Variants in SLC35F1 observed in about 807,000 individuals in gnomAD.
SLC35F1 encodes chromosome 6 open reading frame 169.
SLC35F1 carries 14 observed loss-of-function variants against 48.7 expected under a neutral mutation model. The observed-to-expected ratio is 0.29, with a 90% CI of 0.19 to 0.45. The LOEUF is 0.45. SLC35F1 is among the 20% of genes least tolerant of loss of function. The pLI is 1.00. For missense variants in SLC35F1, 404 were observed against 500.0 expected (o/e 0.81, Z 1.83); for synonymous variants, 190 against 202.2 (o/e 0.94, Z 0.51).
chr6:118,063,933 G>A (rs1366706159), intron 1 of SLC35F1, among the ~76,000 whole-genome samples: 1 of 152,140 alleles, frequency 6.6e-6, no homozygotes, highest in Non-Finnish European at 1.5e-5. Context: ...TATAAAGAAG[G>A]TGCCTGCCTA....
intron 1 of SLC35F1, among the ~76,000 whole-genome samples, chr6:118,118,160 G>A (rs1204542475): frequency 6.6e-6 from 1 of 152,076 alleles, no homozygotes; most frequent in Non-Finnish European, 1.5e-5. Context: ...TTTCCTAAGT[G>A]TCAATACCAT....
At chr6:118,212,770 GGAAGGAAGGAAGGAAGGAAGGAAA>G (rs1775021548) in intron 2 of SLC35F1, among the ~76,000 whole-genome samples, 2 of 148,726 alleles carry the variant, frequency 1.3e-5, no homozygotes, top group African/African-American at 5.0e-5. Flanking sequence ...AAGGAAGGAA[GGAAGGAAGGAAGGAAGGAAGGAAA>G]GAAGGAAGGG....
intron 1 of SLC35F1, among the ~76,000 whole-genome samples, chr6:117,965,634 T>A (rs1433106070): frequency 6.6e-6 from 1 of 152,088 alleles, no homozygotes; most frequent in African/African-American, 2.4e-5. Context: ...ACAGCTGGGG[T>A]GGTAGACGGT....
At chr6:118,197,108 T>G (rs550210225) in intron 2 of SLC35F1, among the ~76,000 whole-genome samples, 65 of 152,062 alleles carry the variant, frequency 4.3e-4, no homozygotes, top group Non-Finnish European at 7.5e-4. Flanking sequence ...AAACATCAAG[T>G]TTTACACCAT....
At chr6:118,225,527 C>T (rs747335058) in intron 2 of SLC35F1, among the ~76,000 whole-genome samples, 1 of 152,116 alleles carries the variant, frequency 6.6e-6, no homozygotes, top group Non-Finnish European at 1.5e-5. Flanking sequence ...ATACCTGAAA[C>T]TATGAAAGCA....
intron 1 of SLC35F1, among the ~76,000 whole-genome samples, chr6:118,036,753 G>A (rs759634847): frequency 6.6e-6 from 1 of 152,044 alleles, no homozygotes; most frequent in Non-Finnish European, 1.5e-5. Context: ...TAGGGATGAA[G>A]TCTCACTATG....
intron 2 of SLC35F1, among the ~76,000 whole-genome samples, chr6:118,224,350 T>C (rs562483084): frequency 6.6e-6 from 1 of 152,312 alleles, no homozygotes; most frequent in South Asian, 2.1e-4. Flanking sequence ...ATCACATACA[T>C]TGTTTTAAAT....
Position 118,317,339 on chromosome 6 carries a change from T to A in SLC35F1, c.*3087T>A, listed in dbSNP as rs1776450645. ...CCCATGAAATTGTTTCAATGTTTAGTTTAGATATTGCTAACTTGTGCTATT... is the reference window on the plus strand; with the variant it reads ...CCCATGAAATTGTTTCAATGTTTAGATTAGATATTGCTAACTTGTGCTATT... On this transcript the variant is annotated 3_prime_UTR_variant, in exon 8 of 8. Transcript: ENST00000360388. 6.6e-6 allele frequency: 1 copy of A among 152,218 alleles called. No individual in the cohort carries two copies. Among genetic ancestry groups the A allele is most frequent in the Non-Finnish European group, 1.5e-5 (1 of 68,038 alleles). The allele number at this position is 152,218 out of a possible 1,614,324, so 9.4% of individuals were successfully genotyped here.
chr6:117,956,856 G>A (rs1776435042), intron 1 of SLC35F1, among the ~76,000 whole-genome samples: 2 of 152,142 alleles, frequency 1.3e-5, no homozygotes, highest in South Asian at 4.1e-4. Context: ...CATATTTTCT[G>A]TATTTTCTTC....
chr6:117,958,419 A>G (rs940782758), intron 1 of SLC35F1, among the ~76,000 whole-genome samples: 2 of 152,204 alleles, frequency 1.3e-5, no homozygotes, highest in Non-Finnish European at 2.9e-5. Context: ...CTAGACCTTC[A>G]CATTCACCAA....
chr6:117,944,244 T>G (rs981443085), intron 1 of SLC35F1, among the ~76,000 whole-genome samples: 2 of 152,188 alleles, frequency 1.3e-5, no homozygotes, highest in African/African-American at 4.8e-5. Context: ...TGCTATCAGT[T>G]TGCTTACTAT....
At chr6:118,213,868 G>T (rs184778829) in intron 2 of SLC35F1, among the ~76,000 whole-genome samples, 1 of 152,264 alleles carries the variant, frequency 6.6e-6, no homozygotes. Flanking sequence ...TTGCTTCTTA[G>T]GATAGGAGGA....
intron 1 of SLC35F1, among the ~76,000 whole-genome samples, chr6:118,135,642 T>G (rs1194077042): frequency 6.6e-6 from 1 of 152,230 alleles, no homozygotes; most frequent in Non-Finnish European, 1.5e-5. Context: ...ATACACAGAT[T>G]AAACACCTGC....
intron 3 of SLC35F1, among the ~76,000 whole-genome samples, chr6:118,261,146 AAAT>A (rs548813750): frequency 2.8e-3 from 422 of 152,348 alleles, no homozygotes; most frequent in Non-Finnish European, 5.0e-3. Context: ...TAAACAAAGA[AAAT>A]AATATAAATT....
chr6:117,947,290 G>A (rs1776306984), intron 1 of SLC35F1, among the ~76,000 whole-genome samples: 1 of 152,138 alleles, frequency 6.6e-6, no homozygotes, highest in African/African-American at 2.4e-5. Flanking sequence ...CCAGAAAATA[G>A]CAGGAGCCCA....
chr6:117,994,608 G>C (rs1247416984), intron 1 of SLC35F1, among the ~76,000 whole-genome samples: 1 of 152,162 alleles, frequency 6.6e-6, no homozygotes, highest in Non-Finnish European at 1.5e-5. Flanking sequence ...CAGAGGGCAA[G>C]GTATATTTTC....
intron 2 of SLC35F1, among the ~76,000 whole-genome samples, chr6:118,194,367 G>T (rs935821965): frequency 6.6e-6 from 1 of 152,148 alleles, no homozygotes; most frequent in African/African-American, 2.4e-5. Flanking sequence ...ATTCAACCTG[G>T]ACCACCATTG....
intron 1 of SLC35F1, among the ~76,000 whole-genome samples, chr6:118,061,262 G>A (rs940753971): frequency 1.3e-5 from 2 of 152,174 alleles, no homozygotes; most frequent in Admixed American, 1.3e-4. Flanking sequence ...CCTCTGCATA[G>A]CAATTAGATT....
intron 2 of SLC35F1, among the ~76,000 whole-genome samples, chr6:118,159,703 T>C (rs371888290): frequency 6.6e-5 from 10 of 152,090 alleles, no homozygotes; most frequent in African/African-American, 2.4e-4. Flanking sequence ...GATGTAAGAG[T>C]AAGAAATGTG....
Sources: allele counts gnomAD v4.1 joint callset (sites outside exome capture counted in the v4.1 genomes callset), GRCh38; gene constraint gnomAD v4.1.1; transcripts MANE v1.5; gene names NCBI Gene and HGNC (gene_info 2026-07-23, HGNC 2026-07-21).